Variants in HLCS observed in about 807,000 individuals in gnomAD.
HLCS encodes the protein holocarboxylase synthetase.
HLCS carries 53 observed loss-of-function variants against 75.0 expected under a neutral mutation model. That is an observed-to-expected ratio of 0.71 (90% CI 0.57 to 0.89). The LOEUF is 0.89. Ranked by LOEUF, HLCS falls within the 40% of genes least tolerant of loss-of-function variation. The pLI, the probability that HLCS is intolerant of heterozygous loss-of-function variation, is 0.00. For missense variants in HLCS, 966 were observed against 1,074.0 expected, an observed-to-expected ratio of 0.90 and a Z score of 1.41; for synonymous variants, 431 against 428.6, an observed-to-expected ratio of 1.01 and a Z score of -0.07.
intron 6 of HLCS, among the ~76,000 whole-genome samples, chr21:36,884,802 G>C (rs1323509252): frequency 1.3e-5 from 2 of 152,054 alleles, no homozygotes; most frequent in African/African-American, 4.8e-5. Flanking sequence ...TAAACATCTG[G>C]GGTTTTTTTT....
At chr21:36,791,986 C>T (rs951346734) in intron 6 of HLCS, among the ~76,000 whole-genome samples, 5 of 151,914 alleles carry the variant, frequency 3.3e-5, no homozygotes, top group Admixed American at 2.0e-4. Flanking sequence ...AGAAAGGCAG[C>T]GGAAAAAAAC....
rs772576193 is a variant in HLCS, at chr21:36,756,527, T to C, written c.2450+15A>G. On this transcript the variant is annotated intron_variant, in intron 10 of 10. Transcript: ENST00000674895. Reference sequence around the variant, plus strand: ...ATAAAGGAGTTGAAAAGAATGAAGATGAGCCAGCACTGACCTGTGGACCCA... The same window carrying C: ...ATAAAGGAGTTGAAAAGAATGAAGACGAGCCAGCACTGACCTGTGGACCCA... 6.4e-7 allele frequency: 1 copy of C among 1,562,564 alleles called. No homozygotes were observed. The highest frequency in any genetic ancestry group is 8.8e-7 in the Non-Finnish European group (1 of 1,141,428).
At chr21:36,955,390 G>A (rs2067886028) in intron 2 of HLCS, among the ~76,000 whole-genome samples, 1 of 151,918 alleles carries the variant, frequency 6.6e-6, no homozygotes, top group Non-Finnish European at 1.5e-5. Context: ...GCCAGGAGTT[G>A]GAGATCAGTC....
intron 4 of HLCS, 75 bp downstream of exon 4, chr21:36,936,374 C>T: frequency 7.7e-7 from 1 of 1,294,738 alleles, no homozygotes; most frequent in Admixed American, 1.7e-5. Context: ...AAGCGTGTAC[C>T]TTTAAAAGAC....
chr21:36,784,699 C>T (rs555654368), intron 6 of HLCS, among the ~76,000 whole-genome samples: 53 of 152,206 alleles, frequency 3.5e-4, no homozygotes, highest in African/African-American at 1.2e-3. Context: ...AAATTGACTT[C>T]CAAATAATAA....
chr21:36,954,178 C>T (rs928229888), intron 2 of HLCS, among the ~76,000 whole-genome samples: 8 of 151,986 alleles, frequency 5.3e-5, no homozygotes, highest in Non-Finnish European at 8.8e-5. Context: ...TGGTGGCTCG[C>T]GCCTGTATTC....
In HLCS at chr21:36,749,007, T is replaced by C. The variant is rs1240668902; in HGVS notation, c.*5239A>G. The C allele has an allele frequency of 6.6e-6, 1 of 152,642 alleles. No homozygotes were observed. Among genetic ancestry groups the C allele is most frequent in the Non-Finnish European group, 1.5e-5 (1 of 68,040 alleles). 9.5% of individuals were successfully genotyped at this position (152,642 alleles called of 1,614,324 possible). On this transcript the variant is annotated 3_prime_UTR_variant, in exon 11 of 11. Transcript: ENST00000674895. ...CACGTGCAATACGGAACACTGTCAA[T>C]GGACTGCACCTTGTGAAGGAAAAAC...
At chr21:36,787,361 C>A (rs900952328) in intron 6 of HLCS, among the ~76,000 whole-genome samples, 2 of 152,180 alleles carry the variant, frequency 1.3e-5, no homozygotes, top group Non-Finnish European at 2.9e-5. Flanking sequence ...GGACTCCCTG[C>A]CACAGCCAGG....
At chr21:36,979,816 G>T (rs2146734438) in intron 1 of HLCS, among the ~76,000 whole-genome samples, 1 of 152,044 alleles carries the variant, frequency 6.6e-6, no homozygotes, top group South Asian at 2.1e-4. Flanking sequence ...TAACACTTTG[G>T]GAGGCAAAAG....
At chr21:36,942,118 A>T (rs1181899805) in intron 2 of HLCS, among the ~76,000 whole-genome samples, 1 of 152,116 alleles carries the variant, frequency 6.6e-6, no homozygotes, top group African/African-American at 2.4e-5. Flanking sequence ...GGTTGCAGTG[A>T]GCCAACACTC....
At chr21:36,867,897 C>T (rs1023838712) in intron 6 of HLCS, among the ~76,000 whole-genome samples, 3 of 152,024 alleles carry the variant, frequency 2.0e-5, no homozygotes, top group Non-Finnish European at 4.4e-5. Context: ...CTTTTGGAGG[C>T]CAAGGTGGGA....
In HLCS at chr21:36,831,079, T is replaced by G. The variant is rs146652070; in HGVS notation, c.1893-63794A>C. Among the ~76,000 whole-genome samples, 91 of 152,316 alleles carry G rather than the reference T, an allele frequency of 6.0e-4. No homozygotes were observed. In the East Asian group the frequency reaches 0.017, roughly 29 times the overall value. On this transcript the variant is annotated intron_variant, in intron 6 of 10. Transcript: ENST00000674895. Reference sequence around the variant, plus strand: ...GTTGTAGATGTTTAACTATTAGTTTTGTATAATCTTTTCGGAGGGTTTTAA... The same window carrying G: ...GTTGTAGATGTTTAACTATTAGTTTGGTATAATCTTTTCGGAGGGTTTTAA...
intron 1 of HLCS, among the ~76,000 whole-genome samples, chr21:36,983,210 GTTTA>G (rs200585939): frequency 1.3e-5 from 2 of 151,434 alleles, no homozygotes; most frequent in African/African-American, 4.9e-5. Context: ...TTTAATGTTT[GTTTA>G]TTTATTTATT....
intron 9 of HLCS, chr21:36,759,281 C>A: frequency 2.2e-6 from 1 of 456,728 alleles, no homozygotes; most frequent in Non-Finnish European, 4.5e-6. Flanking sequence ...ATTCTTTACC[C>A]CGCCTTGACC....
intron 6 of HLCS, among the ~76,000 whole-genome samples, chr21:36,868,517 T>C (rs1192532607): frequency 6.6e-6 from 1 of 152,180 alleles, no homozygotes; most frequent in Non-Finnish European, 1.5e-5. Flanking sequence ...TGATAATCTA[T>C]AGAACGTAAC....
intron 6 of HLCS, chr21:36,804,000 T>C (rs544307591): frequency 1.3e-5 from 2 of 152,386 alleles, no homozygotes; most frequent in South Asian, 2.1e-4. Context: ...ACCAACATAA[T>C]GCTTCATTAC....
intron 5 of HLCS, among the ~76,000 whole-genome samples, chr21:36,923,000 G>A (rs527500420): frequency 1.3e-5 from 2 of 152,318 alleles, no homozygotes; most frequent in Admixed American, 1.3e-4. Context: ...CACCAGCTCC[G>A]CGGCCCGGGA....
intron 1 of HLCS, among the ~76,000 whole-genome samples, chr21:36,989,565 G>A (rs537477918): frequency 1.1e-3 from 167 of 152,250 alleles, no homozygotes; most frequent in African/African-American, 3.9e-3. Flanking sequence ...CTGACCTCAA[G>A]TGATCTGCCT....
chr21:36,961,293 TGA>T (rs2068277389), intron 2 of HLCS, among the ~76,000 whole-genome samples: 1 of 152,180 alleles, frequency 6.6e-6, no homozygotes, highest in Admixed American at 6.6e-5. Flanking sequence ...TGAGATGACC[TGA>T]GAGAGAGTGC....
Sources: allele counts gnomAD v4.1 joint callset (sites outside exome capture counted in the v4.1 genomes callset), GRCh38; gene constraint gnomAD v4.1.1; transcripts MANE v1.5; gene names NCBI Gene and HGNC (gene_info 2026-07-23, HGNC 2026-07-21).